The following SSRP1 variants were observed in gnomAD, a reference collection of about 807,000 sequenced individuals.
SSRP1 encodes the protein structure specific recognition protein 1, also known as FACT complex subunit SSRP1.
In SSRP1, 21 loss-of-function variants were observed where a neutral mutation model predicts 84.4. The observed-to-expected ratio is 0.25, with a 90% CI of 0.18 to 0.36. The LOEUF is 0.36. Ranked by LOEUF, SSRP1 falls within the 10% of genes least tolerant of loss-of-function variation. The probability of loss-of-function intolerance (pLI) is 1.00; values close to 1 mark genes in which losing one functional copy is unlikely to be tolerated. For synonymous variants in SSRP1, 319 were observed against 318.3 expected (o/e 1.00, Z -0.02); for missense variants, 519 against 900.8 (o/e 0.58, Z 5.43).
rs775790176 is a variant in SSRP1, at chr11:57,332,924, C to A, written c.537+35G>T. 3.1e-6 allele frequency: 5 copies of A among 1,598,320 alleles called. No homozygotes were observed. The highest frequency in any genetic ancestry group is 4.3e-6 in the Non-Finnish European group (5 of 1,169,882). The stretch of plus-strand genomic sequence containing the variant: ...CAGGCCAGCCAATGCCTGCTCAGCA[C>A]CATCTGCTGCCAAGGCAACCAGGGG... On this transcript the variant is annotated intron_variant, in intron 5 of 16. Coordinates refer to ENST00000278412, the MANE Select transcript of SSRP1 (RefSeq NM_003146.3). The surrounding 1 kb of genome is among the most constrained non-coding windows in gnomAD (Gnocchi z 5.5).
chr11:57,332,955 T>A lies in SSRP1; in HGVS notation c.537+4A>T. 2 of 1,605,162 alleles carry A rather than the reference T, an allele frequency of 1.2e-6. No homozygotes were observed. The highest frequency in any genetic ancestry group is 1.7e-6 in the Non-Finnish European group (2 of 1,173,634). On this transcript the variant is annotated splice_donor_region_variant and intron_variant, in intron 5 of 16. Transcript: ENST00000278412. This position sits in a 1 kb window ranked among gnomAD's most constrained non-coding sequence, Gnocchi z 5.5. ...GCTGCCAAGGCAACCAGGGGAAGCC[T>A]CACCTCAACAGGGTCCACACCATCC...
chr11:57,326,315 A>G lies in SSRP1; in HGVS notation c.*92T>C, dbSNP rs1274242937. The G allele has an allele frequency of 2.5e-6, 3 of 1,201,812 alleles. No individual in the cohort carries two copies. In the African/African-American group the frequency reaches 4.5e-5, roughly 18 times the overall value. The allele number at this position is 1,201,812 out of a possible 1,614,324, so 74.4% of individuals were successfully genotyped here. A position where few individuals can be genotyped will look rare whatever the true frequency, so the allele number is the denominator to read the frequency against. On this transcript the variant is annotated 3_prime_UTR_variant, in exon 17 of 17. Transcript: ENST00000278412. ...TGTTCAGATGGCACAGAATCCAGGG[A>G]CTGCATTTCATGAGGAGAAACTGGT...
intron 9 of SSRP1, 149 bp from the exon 10 acceptor site, chr11:57,331,076 AG>A (rs1856080381): frequency 1.3e-6 from 1 of 779,074 alleles, no homozygotes; most frequent in South Asian, 1.6e-5. Context: ...AAACCCCCAG[AG>A]GACAGCAGTA....
In SSRP1 at chr11:57,332,555, C is replaced by T. The variant is rs1856115347; in HGVS notation, c.769-69G>A. The T allele has an allele frequency of 3.1e-6, 5 of 1,603,290 alleles. No homozygotes were observed. In the South Asian group the frequency reaches 5.5e-5, roughly 18 times the overall value. On this transcript the variant is annotated intron_variant, in intron 6 of 16. Coordinates refer to ENST00000278412, the MANE Select transcript of SSRP1 (RefSeq NM_003146.3). The surrounding 1 kb of genome is among the most constrained non-coding windows in gnomAD (Gnocchi z 5.5). ...ATTAACCAACGTAGAATTCTGCACA[C>T]CAGTGAGATCCATCTACTTAACACT...
Position 57,330,067 on chromosome 11 carries a change from C to T in SSRP1, c.1481+26G>A. On this transcript the variant is annotated intron_variant, in intron 12 of 16. Transcript: ENST00000278412. This position sits in a 1 kb window ranked among gnomAD's most constrained non-coding sequence, Gnocchi z 4.0. ...TTAAGCTTATGGGTCACCATCTTAT[C>T]CCCACAAGGTACCACCAAAACTCAC... is the stretch of plus-strand genomic sequence containing the variant. 6.2e-7 allele frequency: 1 copy of T among 1,613,988 alleles called. No individual in the cohort carries two copies. The highest frequency in any genetic ancestry group is 8.5e-7 in the Non-Finnish European group (1 of 1,179,846).
In SSRP1 at chr11:57,332,755, C is replaced by T; in HGVS notation, c.638G>A (p.Arg213His). 4 of 1,614,078 alleles carry T rather than the reference C, an allele frequency of 2.5e-6. No homozygotes were observed. The highest frequency in any genetic ancestry group is 1.7e-6 in the Non-Finnish European group (2 of 1,180,016). ...RELQCLTPRG[R>H]YDIRIYPTFL... ...GGTGGGGTAGATCCGAATGTCATAA[C>T]GACCACGAGGAGTCAGACACTGCAG... The change falls in exon 6 of 17, where the codon CGT becomes CAT. Residue 213 changes from arginine to histidine, a missense_variant. Coordinates refer to ENST00000278412, the MANE Select transcript of SSRP1 (RefSeq NM_003146.3). This position sits in a 1 kb window ranked among gnomAD's most constrained non-coding sequence, Gnocchi z 5.5.
chr11:57,333,599 T>C (rs1381223715), intron 3 of SSRP1, 59 bp from the exon 4 acceptor site: 30 of 1,217,194 alleles, frequency 2.5e-5, no homozygotes, highest in Non-Finnish European at 3.5e-5. Flanking sequence ...TAACACCGAC[T>C]TGAATGTCCT....
At position 57,335,042 on chromosome 11, in the gene SSRP1, G is replaced by GT. The variant is rs368837812; in HGVS notation, c.54+25dup. On this transcript the variant is annotated intron_variant, in intron 2 of 16. Coordinates refer to ENST00000278412, the MANE Select transcript of SSRP1 (RefSeq NM_003146.3). The surrounding 1 kb of genome is among the most constrained non-coding windows in gnomAD (Gnocchi z 4.6). ...CTACCCTCCTTCCTTCTCTCTACTT[G>GT]TATCACCTGTCCAAGCCATTCTCAC... The GT allele has an allele frequency of 1.9e-5, 31 of 1,613,214 alleles. No homozygotes were observed. Among genetic ancestry groups the GT allele is most frequent in the African/African-American group, 1.9e-4 (14 of 74,976 alleles).
chr11:57,327,595 C>A (rs552172129), intron 14 of SSRP1, 81 bp from the exon 15 acceptor site: 2 of 1,603,932 alleles, frequency 1.2e-6, no homozygotes, highest in African/African-American at 1.3e-5. Flanking sequence ...AAAATCGATA[C>A]AGAAAGTCCC....
At chr11:57,327,593 TACAG>T in intron 14 of SSRP1, 79 bp from the exon 15 acceptor site, 2 of 1,604,380 alleles carry the variant, frequency 1.2e-6, no homozygotes, top group African/African-American at 1.3e-5. Flanking sequence ...GCAAAATCGA[TACAG>T]AAAGTCCCAC....
chr11:57,327,573 CCT>C, intron 14 of SSRP1, 59 bp from the exon 15 acceptor site: 2 of 1,609,520 alleles, frequency 1.2e-6, no homozygotes, highest in Admixed American at 1.7e-5. Flanking sequence ...TCCCCTCTCC[CCT>C]GATGCAGGCA....
chr11:57,327,816 C>G lies in SSRP1; in HGVS notation c.1678G>C (p.Ala560Pro). 1 of 1,614,176 alleles carries G rather than the reference C, an allele frequency of 6.2e-7. No individual in the cohort carries two copies. Among genetic ancestry groups the G allele is most frequent in the South Asian group, 1.1e-5 (1 of 91,090 alleles). Residue 560 changes from alanine (A) to proline (P), a missense_variant, in exon 14 of 17, where the codon GCC (alanine) becomes CCC (proline). Ala to Pro is a conservative substitution (Grantham distance 27, BLOSUM62 -1). Transcript: ENST00000278412. Reference protein sequence around the residue: ...PMSAYMLWLNASREKIKSDHP... With the variant: ...PMSAYMLWLNPSREKIKSDHP... ...TCTGACTTGATCTTCTCTCGGCTGG[C>G]ATTGAGCCACAGCATGTATGCAGAC...
chr11:57,332,291 A>T lies in SSRP1; in HGVS notation c.873-11T>A. 1.2e-6 allele frequency: 2 copies of T among 1,614,158 alleles called. No individual in the cohort carries two copies. Among genetic ancestry groups the T allele is most frequent in the East Asian group, 4.5e-5 (2 of 44,876 alleles). On this transcript the variant is annotated splice_polypyrimidine_tract_variant and intron_variant, in intron 7 of 16. Coordinates refer to ENST00000278412, the MANE Select transcript of SSRP1 (RefSeq NM_003146.3). The surrounding 1 kb of genome is among the most constrained non-coding windows in gnomAD (Gnocchi z 5.5). ...TTCTCCACTTCTTCCCTACAAAGAA[A>T]GCAAGGTGAGGTCACAACACTACTG... is the stretch of plus-strand genomic sequence containing the variant.
Position 57,335,853 on chromosome 11 carries a change from C to G in SSRP1, c.-243G>C, listed in dbSNP as rs1005952557. The G allele has an allele frequency of 6.6e-6, 1 of 152,362 alleles. No individual in the cohort carries two copies. Among genetic ancestry groups the G allele is most frequent in the East Asian group, 1.9e-4 (1 of 5,158 alleles). The allele number at this position is 152,362 out of a possible 1,614,324, so 9.4% of individuals were successfully genotyped here. A position where few individuals can be genotyped will look rare whatever the true frequency, so the allele number is the denominator to read the frequency against. ...GAAGCTTTTCCCGCGTGCGCGGCCC[C>G]GCGTCCCGCCACCGGAAGCCGTACA... On this transcript the variant is annotated 5_prime_UTR_variant, in exon 1 of 17. Coordinates refer to ENST00000278412, the MANE Select transcript of SSRP1 (RefSeq NM_003146.3). This position sits in a 1 kb window ranked among gnomAD's most constrained non-coding sequence, Gnocchi z 4.6.
chr11:57,330,899 C>G lies in SSRP1; in HGVS notation c.1252G>C (p.Val418Leu), dbSNP rs1356018028. 6.2e-7 allele frequency: 1 copy of G among 1,614,200 alleles called. No homozygotes were observed. ...TTGATGTTGAGCTTTTTCGCGTTGA[C>G]AAAATCAAACAGTTTCCCGTACTCC... ...REEYGKLFDF[V>L]NAKKLNIKNR... The change falls in exon 10 of 17, where the codon GTC becomes CTC. Residue 418 changes from valine (V) to leucine (L), a missense_variant. Physicochemically the swap from Val to Leu is conservative, Grantham distance 32. Around this residue, in one of 7 missense-constraint regions of SSRP1, gnomAD observed 34 missense variants for 34.3 expected, o/e 0.99. Transcript: ENST00000278412. This position sits in a 1 kb window ranked among gnomAD's most constrained non-coding sequence, Gnocchi z 4.0.
chr11:57,332,043 C>A lies in SSRP1; in HGVS notation c.1001+109G>T. 1 of 1,563,222 alleles carries A rather than the reference C, an allele frequency of 6.4e-7. No individual in the cohort carries two copies. The highest frequency in any genetic ancestry group is 8.7e-7 in the Non-Finnish European group (1 of 1,150,104). ...GCTGGCACCTATTGTGACACAAGGT[C>A]CCATCCAGGCCTCTAGGAGGCCGCA... On this transcript the variant is annotated intron_variant, in intron 8 of 16. Coordinates refer to ENST00000278412, the MANE Select transcript of SSRP1 (RefSeq NM_003146.3). This position sits in a 1 kb window ranked among gnomAD's most constrained non-coding sequence, Gnocchi z 5.5.
intron 3 of SSRP1, among the ~76,000 whole-genome samples, chr11:57,333,980 G>A (rs936511167): frequency 6.6e-6 from 1 of 152,132 alleles, no homozygotes; most frequent in African/African-American, 2.4e-5. Flanking sequence ...GCAAAACGCC[G>A]TTTCTACCAA....
In SSRP1 at chr11:57,332,051, G is replaced by C. The variant is rs565218815; in HGVS notation, c.1001+101C>G. On this transcript the variant is annotated intron_variant, in intron 8 of 16. Transcript: ENST00000278412. The surrounding 1 kb of genome is among the most constrained non-coding windows in gnomAD (Gnocchi z 5.5). ...CTATTGTGACACAAGGTCCCATCCA[G>C]GCCTCTAGGAGGCCGCATTCCCATC... is the stretch of plus-strand genomic sequence containing the variant. 36 of 1,580,714 alleles carry C rather than the reference G, an allele frequency of 2.3e-5. No homozygotes were observed. In the African/African-American group the frequency reaches 3.5e-4, roughly 15 times the overall value.
Position 57,330,582 on chromosome 11 carries a change from T to A in SSRP1, c.1297-153A>T. On this transcript the variant is annotated intron_variant, in intron 10 of 16. Transcript: ENST00000278412. The surrounding 1 kb of genome is among the most constrained non-coding windows in gnomAD (Gnocchi z 4.0). ...CCACACACAGCCAACGTGCAGGGCC[T>A]ATGCCCAAGTACTTCCTGCCAACTG... 1.4e-6 allele frequency: 2 copies of A among 1,429,350 alleles called. No homozygotes were observed. The highest frequency in any genetic ancestry group is 1.8e-6 in the Non-Finnish European group (2 of 1,086,140). 88.5% of individuals were successfully genotyped at this position (1,429,350 alleles called of 1,614,324 possible). A position where few individuals can be genotyped will look rare whatever the true frequency, so the allele number is the denominator to read the frequency against.
Sources: gnomAD v4.1 joint callset for allele counts (sites outside exome capture counted in the v4.1 genomes callset) on GRCh38, gnomAD v4.1.1 for gene constraint, gnomAD v4.1.1 regional missense constraint, Gnocchi (gnomAD v3.1) non-coding constraint, MANE v1.5 for transcripts, NCBI Gene and HGNC (gene_info 2026-07-23, HGNC 2026-07-21) for gene names.